The following ZDHHC24 variants were observed in gnomAD, a reference collection of about 807,000 sequenced individuals.
ZDHHC24 encodes the protein probable palmitoyltransferase ZDHHC24.
Under a neutral mutation model 23.2 loss-of-function variants are expected in ZDHHC24, and 17 were observed. That is an observed-to-expected ratio of 0.73 (90% CI 0.50 to 1.10). ZDHHC24 has a LOEUF of 1.10. Ranked by LOEUF, ZDHHC24 falls within the 50% of genes least tolerant of loss-of-function variation. ZDHHC24 has a pLI of 0.00. For missense variants in ZDHHC24, 366 were observed against 393.0 expected (o/e 0.93, Z 0.58); for synonymous variants, 186 against 194.5 (o/e 0.96, Z 0.36).
downstream of ZDHHC24, chr11:66,531,000 T>C (rs1298139172): frequency 3.1e-6 from 5 of 1,614,194 alleles, no homozygotes; most frequent in Non-Finnish European, 4.2e-6. Context: ...AACGAGGCGC[T>C]CTATTCCCTG....
At chr11:66,525,486 C>T (rs909466467) in intron 4 of ZDHHC24, among the ~76,000 whole-genome samples, 7 of 152,124 alleles carry the variant, frequency 4.6e-5, no homozygotes, top group Non-Finnish European at 8.8e-5. Flanking sequence ...TCACTTGAAC[C>T]CAGGAGGCAG....
intron 3 of ZDHHC24, chr11:66,527,207 CAAAA>C (rs201003949): frequency 4.5e-6 from 2 of 448,484 alleles, no homozygotes; most frequent in Non-Finnish European, 4.0e-6. Flanking sequence ...ACTTCTTTCT[CAAAA>C]AAAAAAAAAG....
Position 66,521,302 on chromosome 11 carries a change from G to C in ZDHHC24, c.*186C>G, listed in dbSNP as rs149920346. The C allele has an allele frequency of 2.0e-5, 32 of 1,614,230 alleles. No individual in the cohort carries two copies. In the African/African-American group the frequency reaches 4.3e-4, roughly 22 times the overall value. The stretch of plus-strand genomic sequence containing the variant: ...TTCCCAGCGTCCCCGTCTTCCTAGA[G>C]GTTTCTGGCCAGTTTGATGTTGAGT... On this transcript the variant is annotated 3_prime_UTR_variant, in exon 5 of 5. Transcript: ENST00000526986.
rs1182685039 is a variant in ZDHHC24 at position 66,544,423 on chromosome 11, G to C, written c.282-442C>G. Among the ~76,000 whole-genome samples, 3 of 152,270 alleles carry C rather than the reference G, an allele frequency of 2.0e-5. No homozygotes were observed. In the East Asian group the frequency reaches 5.8e-4, roughly 29 times the overall value. On this transcript the variant is annotated intron_variant, in intron 1 of 2. Transcript: ENST00000310442. ...CCTGTGGTTCTCCAATTTATTTCTA[G>C]TAAAAAGCAAAGCCTTCAGTGTCCT...
At chr11:66,540,263 A>G (rs1216876031) in intron 2 of ZDHHC24, among the ~76,000 whole-genome samples, 3 of 151,998 alleles carry the variant, frequency 2.0e-5, no homozygotes, top group African/African-American at 7.3e-5. Flanking sequence ...ACTAAAAAAT[A>G]CAAAAATTAG....
Position 66,539,325 on chromosome 11 carries a change from C to G in ZDHHC24, c.*204G>C. ...GCTAGGCGGCCTGAGCAGCCCCTGCCAGACCCTCCTCTGCACTCCTCTGCC... is the reference window on the plus strand; with the variant it reads ...GCTAGGCGGCCTGAGCAGCCCCTGCGAGACCCTCCTCTGCACTCCTCTGCC... On this transcript the variant is annotated 3_prime_UTR_variant, in exon 3 of 3. Transcript: ENST00000310442. 7.8e-7 allele frequency: 1 copy of G among 1,281,516 alleles called. No homozygotes were observed. Among genetic ancestry groups the G allele is most frequent in the East Asian group, 3.1e-5 (1 of 32,252 alleles). 79.4% of individuals were successfully genotyped at this position (1,281,516 alleles called of 1,614,324 possible). A position where few individuals can be genotyped will look rare whatever the true frequency, so the allele number is the denominator to read the frequency against.
rs538089289 is a variant in ZDHHC24, at chr11:66,526,326, CCTT to C, written c.*21+607_*21+609del. The C allele has an allele frequency of 8.0e-4, 734 of 918,820 alleles. 2 individuals are homozygous for C. The highest frequency in any genetic ancestry group is 1.3e-3 in the African/African-American group (76 of 60,510). The allele number at this position is 918,820 out of a possible 1,614,324, so 56.9% of individuals were successfully genotyped here. On this transcript the variant is annotated intron_variant, in intron 4 of 4. Transcript: ENST00000526986. ...TGGAAAGTAAGGCCTACAGAAGTGT[CCTT>C]CTGGAGCTAGGCCTCCACTGGGACA...
At chr11:66,521,574 A>G (rs1357128793) in intron 4 of ZDHHC24, 1 of 620,718 alleles carries the variant, frequency 1.6e-6, no homozygotes, top group African/African-American at 1.8e-5. Flanking sequence ...GCACAGTGAG[A>G]GACTAGGCTG....
chr11:66,521,221 G>A (rs1856199682), exon 5 of ZDHHC24: 1 of 1,435,270 alleles, frequency 7.0e-7, no homozygotes, highest in East Asian at 2.3e-5. Context: ...AGGGCAGGGA[G>A]GGACGGGGGC....
At position 66,529,955 on chromosome 11, in the gene ZDHHC24, G is replaced by A. The variant is rs1856699789; in HGVS notation, c.560-467C>T. On this transcript the variant is annotated intron_variant, in intron 2 of 4. Transcript: ENST00000526986. ...AGCCACTCAAGCTGCACGCCGTGGT[G>A]AGCATCTGGGTGAGGGCAGAGTCAG... is the stretch of plus-strand genomic sequence containing the variant. 4 of 1,599,150 alleles carry A rather than the reference G, an allele frequency of 2.5e-6. No individual in the cohort carries two copies. In the Admixed American group the frequency reaches 5.1e-5, roughly 20 times the overall value.
At chr11:66,543,222 C>T (rs1190906163) in intron 2 of ZDHHC24, among the ~76,000 whole-genome samples, 2 of 152,090 alleles carry the variant, frequency 1.3e-5, no homozygotes, top group Admixed American at 6.5e-5. Context: ...CCCAGCTTCC[C>T]ATAACTGGGC....
In ZDHHC24 at chr11:66,545,852, C is replaced by G. The variant is rs759831494; in HGVS notation, c.152G>C (p.Arg51Pro). 7.7e-6 allele frequency: 12 copies of G among 1,555,890 alleles called. No individual in the cohort carries two copies. The South Asian group carries it at 1.4e-4, about 18-fold the overall frequency. ...GGCGGCCAGCGCCAGCTGCAAGGCC[C>G]GGGCCAGGGGTCCCAGCGGCGGCGG... Reference protein sequence around the residue: ...PGPPPLGPLARALQLALAAFQ... With the variant: ...PGPPPLGPLAPALQLALAAFQ... Residue 51 changes from arginine to proline, a missense_variant, in exon 1 of 3, where the codon CGG (arginine) becomes CCG (proline). By Grantham distance (103) the Arg-to-Pro change is moderately radical (BLOSUM62 -2). Coordinates refer to ENST00000310442, the MANE Select transcript of ZDHHC24 (RefSeq NM_207340.3). The surrounding 1 kb of genome is among the most constrained non-coding windows in gnomAD (Gnocchi z 4.5).
chr11:66,529,432 G>T (rs908293540), exon 3 of ZDHHC24: 2 of 914,744 alleles, frequency 2.2e-6, no homozygotes, highest in East Asian at 5.2e-5. Context: ...AATATCGAGC[G>T]TGGACACCAA....
rs1857317258 is a variant in ZDHHC24 at position 66,546,004 on chromosome 11, G to A, written c.-1C>T. 2.9e-6 allele frequency: 4 copies of A among 1,390,444 alleles called. No individual in the cohort carries two copies. Among genetic ancestry groups the A allele is most frequent in the Non-Finnish European group, 3.7e-6 (4 of 1,082,850 alleles). The allele number at this position is 1,390,444 out of a possible 1,614,324, so 86.1% of individuals were successfully genotyped here. A position where few individuals can be genotyped will look rare whatever the true frequency, so the allele number is the denominator to read the frequency against. On this transcript the variant is annotated 5_prime_UTR_variant, in exon 1 of 3. Coordinates refer to ENST00000310442, the MANE Select transcript of ZDHHC24 (RefSeq NM_207340.3). ...TCCCAGCCGCCCAGGGCTGCCCCAT[G>A]GCCTGGACACCCAGCTGTCGGAGCC...
At chr11:66,531,059 TGGGAAA>T, downstream of ZDHHC24, 1 of 1,613,268 alleles carries the variant, frequency 6.2e-7, no homozygotes, top group Non-Finnish European at 8.5e-7. Context: ...AGATATGGAG[TGGGAAA>T]GGCCAGGGCA....
chr11:66,531,092 C>T (rs1203064888), downstream of ZDHHC24: 6 of 1,596,348 alleles, frequency 3.8e-6, no homozygotes, highest in African/African-American at 6.7e-5. Context: ...TGATGAGATG[C>T]CCACAGAGCC....
downstream of ZDHHC24, chr11:66,531,675 G>A (rs778941006): frequency 7.4e-6 from 12 of 1,614,026 alleles, no homozygotes; most frequent in Non-Finnish European, 1.0e-5. Flanking sequence ...CTGGTGCCAG[G>A]GCTCAACTAC....
chr11:66,529,655 C>T (rs1326205868), intron 2 of ZDHHC24, among the ~76,000 whole-genome samples: 1 of 151,982 alleles, frequency 6.6e-6, no homozygotes, highest in African/African-American at 2.4e-5. Context: ...CGAGTTTTGC[C>T]AGAAGGCTGG....
chr11:66,529,196 G>A, intron 3 of ZDHHC24: 4 of 1,468,506 alleles, frequency 2.7e-6, no homozygotes. Context: ...TGGGGTGGGG[G>A]CGGGGTGGGC....
Sources: gnomAD v4.1 joint callset for allele counts (sites outside exome capture counted in the v4.1 genomes callset) on GRCh38, gnomAD v4.1.1 for gene constraint, Gnocchi (gnomAD v3.1) non-coding constraint, MANE v1.5 for transcripts, NCBI Gene and HGNC (gene_info 2026-07-23, HGNC 2026-07-21) for gene names.